The following ABTB2 variants were observed in gnomAD, a reference collection of about 807,000 sequenced individuals.
The protein encoded by ABTB2 is ankyrin repeat and BTB/POZ domain-containing protein 2.
Under a neutral mutation model 104.1 loss-of-function variants are expected in ABTB2, and 56 were observed. That is an observed-to-expected ratio of 0.54 (90% CI 0.43 to 0.67). The LOEUF is 0.67. ABTB2 is among the 30% of genes least tolerant of loss of function. The pLI, the probability that ABTB2 is intolerant of heterozygous loss-of-function variation, is 0.00. For missense variants in ABTB2, 1,279 were observed against 1,407.7 expected, an observed-to-expected ratio of 0.91 and a Z score of 1.46; for synonymous variants, 606 against 608.2, an observed-to-expected ratio of 1.00 and a Z score of 0.05.
intron 1 of ABTB2, among the ~76,000 whole-genome samples, chr11:34,294,779 G>A (rs1227101845): frequency 1.8e-5 from 2 of 108,948 alleles, no homozygotes; most frequent in Non-Finnish European, 3.5e-5. Context: ...GCAGTGGTGC[G>A]ATCTCAGCTC....
chr11:34,224,384 C>T (rs1308114972), intron 1 of ABTB2, among the ~76,000 whole-genome samples: 2 of 152,144 alleles, frequency 1.3e-5, no homozygotes, highest in Non-Finnish European at 2.9e-5. Flanking sequence ...CTCAAGCCAT[C>T]CTCCCATCTC....
intron 1 of ABTB2, among the ~76,000 whole-genome samples, chr11:34,250,133 G>A (rs1296116250): frequency 6.6e-6 from 1 of 152,206 alleles, no homozygotes; most frequent in Non-Finnish European, 1.5e-5. Context: ...AGGGGTCTTG[G>A]AGAGCTGGGT....
intron 1 of ABTB2, among the ~76,000 whole-genome samples, chr11:34,261,443 CCTA>C (rs1450433402): frequency 6.6e-6 from 1 of 151,804 alleles, no homozygotes; most frequent in African/African-American, 2.4e-5. Context: ...TAGAAATCCT[CCTA>C]TTTACCAACA....
At chr11:34,251,320 G>T (rs1444250851) in intron 1 of ABTB2, among the ~76,000 whole-genome samples, 1 of 152,228 alleles carries the variant, frequency 6.6e-6, no homozygotes, top group Non-Finnish European at 1.5e-5. Context: ...CTCAGACAGC[G>T]CTGACACTGA....
Position 34,356,994 on chromosome 11 carries a change from T to A in ABTB2, c.590A>T (p.Lys197Met), listed in dbSNP as rs1206386661. Residue 197 changes from lysine to methionine, a missense_variant, in exon 1 of 17, where the codon AAG becomes ATG. Physicochemically the swap from Lys to Met is moderately conservative, Grantham distance 95. Transcript: ENST00000435224. The surrounding 1 kb of genome is among the most constrained non-coding windows in gnomAD (Gnocchi z 4.6). ...MSAGDGLRRG[K>M]SARCGLTFSV... ...GAAGGTGAGGCCGCAGCGCGCGGAC[T>A]TGCCCCGGCGCAGCCCGTCGCCGGC... The A allele has an allele frequency of 6.3e-7, 1 of 1,584,582 alleles. No individual in the cohort carries two copies. Among genetic ancestry groups the A allele is most frequent in the African/African-American group, 1.3e-5 (1 of 74,696 alleles).
chr11:34,344,085 C>T (rs1321307714), intron 1 of ABTB2, among the ~76,000 whole-genome samples: 5 of 152,172 alleles, frequency 3.3e-5, no homozygotes, highest in African/African-American at 1.2e-4. Context: ...CACCTAAGAG[C>T]GTTCTTTTTC....
At chr11:34,345,562 A>G (rs1352424901) in intron 1 of ABTB2, among the ~76,000 whole-genome samples, 1 of 150,524 alleles carries the variant, frequency 6.6e-6, no homozygotes, top group Non-Finnish European at 1.5e-5. Flanking sequence ...TTGTCTCCTC[A>G]AAGACCAGTG....
At chr11:34,323,733 C>T (rs1855032723) in intron 1 of ABTB2, among the ~76,000 whole-genome samples, 1 of 152,066 alleles carries the variant, frequency 6.6e-6, no homozygotes. Flanking sequence ...GAAGAGTGAC[C>T]TAGTATAGCT....
chr11:34,355,099 C>A (rs1451919793), intron 1 of ABTB2, among the ~76,000 whole-genome samples: 2 of 152,226 alleles, frequency 1.3e-5, no homozygotes, highest in Non-Finnish European at 2.9e-5. Flanking sequence ...CAATTCCCAG[C>A]ATCTCCTTTG....
intron 1 of ABTB2, among the ~76,000 whole-genome samples, chr11:34,319,044 A>AG (rs1269300203): frequency 1.3e-5 from 2 of 152,266 alleles, no homozygotes; most frequent in Non-Finnish European, 2.9e-5. Flanking sequence ...TGTCTTAGCA[A>AG]GGATGATGGC....
chr11:34,335,644 T>C (rs1183782818), intron 1 of ABTB2: 4 of 1,455,168 alleles, frequency 2.7e-6, no homozygotes, highest in Non-Finnish European at 3.9e-6. Context: ...CTGAAATTCA[T>C]TCACATATTG....
intron 2 of ABTB2, among the ~76,000 whole-genome samples, chr11:34,200,911 CAG>C (rs1853328737): frequency 1.3e-5 from 2 of 152,146 alleles, no homozygotes; most frequent in African/African-American, 4.8e-5. Flanking sequence ...AAGTTAATTT[CAG>C]AAGTGAAGAG....
chr11:34,332,585 T>C (rs545515874), intron 1 of ABTB2, among the ~76,000 whole-genome samples: 59 of 152,272 alleles, frequency 3.9e-4, no homozygotes, highest in Non-Finnish European at 3.5e-4. Flanking sequence ...CTCCTCCAGC[T>C]GCTTTTGAAA....
At chr11:34,153,932 G>A (rs1449447757) in intron 16 of ABTB2, among the ~76,000 whole-genome samples, 1 of 152,228 alleles carries the variant, frequency 6.6e-6, no homozygotes, top group Non-Finnish European at 1.5e-5. Context: ...GGCACAGACA[G>A]GTAGGGGAGA....
At chr11:34,337,214 G>A (rs1855201757) in intron 1 of ABTB2, among the ~76,000 whole-genome samples, 1 of 152,264 alleles carries the variant, frequency 6.6e-6, no homozygotes, top group Non-Finnish European at 1.5e-5. Flanking sequence ...ATTTGTTGAG[G>A]AAGGCCCCGA....
At chr11:34,338,459 G>A (rs564284516) in intron 1 of ABTB2, among the ~76,000 whole-genome samples, 1 of 151,900 alleles carries the variant, frequency 6.6e-6, no homozygotes, top group African/African-American at 2.4e-5. Flanking sequence ...CACTTTGGGA[G>A]GTCGAGGTGG....
At chr11:34,243,204 G>GAGAACAAGC (rs1484841965) in intron 1 of ABTB2, among the ~76,000 whole-genome samples, 102 of 152,182 alleles carry the variant, frequency 6.7e-4, no homozygotes, top group African/African-American at 2.3e-3. Flanking sequence ...AGAGACGTGT[G>GAGAACAAGC]AGAACAAGCA....
At chr11:34,343,122 AG>A (rs1364198474) in intron 1 of ABTB2, among the ~76,000 whole-genome samples, 1 of 152,060 alleles carries the variant, frequency 6.6e-6, no homozygotes, top group African/African-American at 2.4e-5. Context: ...GGTGTGCGCC[AG>A]CACTCTGGGC....
At chr11:34,351,931 G>T (rs1010966750) in intron 1 of ABTB2, among the ~76,000 whole-genome samples, 1 of 143,490 alleles carries the variant, frequency 7.0e-6, no homozygotes, top group Non-Finnish European at 1.5e-5. Flanking sequence ...TCAGGCGTGC[G>T]AGAAAAAAAA....
Sources: gnomAD v4.1 joint callset for allele counts (sites outside exome capture counted in the v4.1 genomes callset) on GRCh38, gnomAD v4.1.1 for gene constraint, Gnocchi (gnomAD v3.1) non-coding constraint, MANE v1.5 for transcripts, NCBI Gene and HGNC (gene_info 2026-07-23, HGNC 2026-07-21) for gene names.